PXDN: variants seen among roughly 807,000 people sequenced by gnomAD.
PXDN encodes the protein peroxidasin homolog.
PXDN carries 77 observed loss-of-function variants against 140.3 expected under a neutral mutation model. The ratio of observed to expected loss-of-function variants is 0.55; its 90% CI spans 0.46 to 0.66. The LOEUF (loss-of-function observed/expected upper bound fraction) is 0.66, where lower values mean the gene tolerates loss of function less well. Ranked by LOEUF, PXDN falls within the 30% of genes least tolerant of loss-of-function variation. The pLI is 0.00. For synonymous variants in PXDN, 911 were observed against 857.4 expected (o/e 1.06, Z -1.09); for missense variants, 1,838 against 2,039.5 (o/e 0.90, Z 1.90).
chr2:1,680,636 G>A (rs894805768), intron 6 of PXDN, among the ~76,000 whole-genome samples: 1 of 152,184 alleles, frequency 6.6e-6, no homozygotes, highest in African/African-American at 2.4e-5. Context: ...TAGGGCTTGT[G>A]CACACCCAGG....
chr2:1,683,768 A>G, intron 5 of PXDN, 41 bp from the exon 6 acceptor site: 1 of 1,458,274 alleles, frequency 6.9e-7, no homozygotes, highest in Non-Finnish European at 9.4e-7. Context: ...TTTGAAAAAT[A>G]TTTCTTAAAA....
In PXDN at chr2:1,654,501, G is replaced by A. The variant is rs751041516; in HGVS notation, c.1845C>T (p.Asp615=). ...CAAACGGATCTCCATTTCGACTGAC[G>A]TCAGGAACTAGGAAAATACAAAGTC... ...VSMVLSVNVP[D]VSRNGDPFVA... Residue 615 remains aspartate, a synonymous_variant, in exon 15 of 23, where the codon GAC becomes GAT. Transcript: ENST00000252804. 9 of 1,610,912 alleles carry A rather than the reference G, an allele frequency of 5.6e-6. No individual in the cohort carries two copies. The highest frequency in any genetic ancestry group is 2.2e-5 in the South Asian group (2 of 90,896).
chr2:1,744,424 C>T lies in PXDN; in HGVS notation c.32G>A (p.Arg11His), dbSNP rs1283491534. MAKRSRGPGR[R>H]CLLALVLFCA... ...GAACAGCACGAGCGCCAACAGGCAG[C>T]GGCGCCCGGGGCCCCTGGAGCGCTT... is the stretch of plus-strand genomic sequence containing the variant. The change falls in exon 1 of 23, where the codon CGC becomes CAC. Residue 11 changes from arginine to histidine, a missense_variant. This residue lies in a region of PXDN where 231 missense variants were observed against 201.5 expected (regional missense o/e 1.15). Transcript: ENST00000252804. The T allele has an allele frequency of 2.0e-6, 3 of 1,506,512 alleles. No individual in the cohort carries two copies. Among genetic ancestry groups the T allele is most frequent in the East Asian group, 2.7e-5 (1 of 37,156 alleles). 93.3% of individuals were successfully genotyped at this position (1,506,512 alleles called of 1,614,324 possible). A position where few individuals can be genotyped will look rare whatever the true frequency, so the allele number is the denominator to read the frequency against.
At chr2:1,700,384 T>C (rs1055439399) in intron 1 of PXDN, among the ~76,000 whole-genome samples, 2 of 152,198 alleles carry the variant, frequency 1.3e-5, no homozygotes, top group African/African-American at 4.8e-5. Flanking sequence ...TTTTTTTTCT[T>C]TGAGTATTTT....
intron 1 of PXDN, among the ~76,000 whole-genome samples, chr2:1,693,979 G>A (rs1361128726): frequency 6.6e-6 from 1 of 152,246 alleles, no homozygotes; most frequent in Non-Finnish European, 1.5e-5. Context: ...GACATGCAGA[G>A]GCGTCGGCTC....
chr2:1,709,030 C>T (rs376233065), intron 1 of PXDN, among the ~76,000 whole-genome samples: 8 of 152,270 alleles, frequency 5.3e-5, no homozygotes, highest in South Asian at 2.1e-4. Flanking sequence ...CAGTTCACCG[C>T]GGGAGGGAGC....
At chr2:1,715,128 C>T (rs1684865552) in intron 1 of PXDN, among the ~76,000 whole-genome samples, 1 of 152,156 alleles carries the variant, frequency 6.6e-6, no homozygotes, top group South Asian at 2.1e-4. Context: ...ATTTTTCCTG[C>T]CTTCCAGTCA....
intron 1 of PXDN, among the ~76,000 whole-genome samples, chr2:1,709,144 G>A (rs55831601): frequency 0.073 from 11,137 of 152,238 alleles, 577 homozygotes; most frequent in East Asian, 0.27. Context: ...CCCTGTGCTC[G>A]CCGCTCACTC....
rs766391316 is a variant in PXDN, at chr2:1,663,771, G to A, written c.1409-8C>T. The A allele has an allele frequency of 5.6e-6, 9 of 1,611,046 alleles. No individual in the cohort carries two copies. In the African/African-American group the frequency reaches 6.7e-5, roughly 12 times the overall value. ...CCACGGAGAGCTGGCTCCCTGCAAG[G>A]GCATGGGCCCGTTACACTGGACACT... is the stretch of plus-strand genomic sequence containing the variant. On this transcript the variant is annotated splice_polypyrimidine_tract_variant and splice_region_variant and intron_variant, in intron 11 of 22. Transcript: ENST00000252804.
intron 19 of PXDN, among the ~76,000 whole-genome samples, chr2:1,640,092 G>A (rs993062111): frequency 1.4e-5 from 2 of 139,064 alleles, no homozygotes; most frequent in African/African-American, 2.7e-5. Context: ...CCCCGGGTGA[G>A]TGAGGGGCCC....
At position 1,634,091 on chromosome 2, in the gene PXDN, T is replaced by G; in HGVS notation, c.*113A>C. On this transcript the variant is annotated 3_prime_UTR_variant, in exon 23 of 23. Coordinates refer to ENST00000252804, the MANE Select transcript of PXDN (RefSeq NM_012293.3). ...TAACAGCACCAGCTGGACGTTGTCA[T>G]GAAATGTCACGAGTTCTGGGTGTTT... 1.3e-5 allele frequency: 19 copies of G among 1,443,312 alleles called. No homozygotes were observed. The highest frequency in any genetic ancestry group is 1.6e-5 in the Non-Finnish European group (17 of 1,073,142). The allele number at this position is 1,443,312 out of a possible 1,614,324, so 89.4% of individuals were successfully genotyped here. A position where few individuals can be genotyped will look rare whatever the true frequency, so the allele number is the denominator to read the frequency against.
At chr2:1,693,265 T>C in intron 1 of PXDN, 131 bp from the exon 2 acceptor site, 1 of 673,338 alleles carries the variant, frequency 1.5e-6, no homozygotes, top group Non-Finnish European at 2.5e-6. Context: ...ACTCCTTCAA[T>C]GAATCTTCTT....
At chr2:1,657,994 C>G (rs1683189958) in intron 14 of PXDN, among the ~76,000 whole-genome samples, 1 of 144,300 alleles carries the variant, frequency 6.9e-6, no homozygotes, top group Non-Finnish European at 1.5e-5. Flanking sequence ...TTCTCCTTGT[C>G]TCTTCCTCCT....
intron 1 of PXDN, among the ~76,000 whole-genome samples, chr2:1,727,488 G>A (rs1441595994): frequency 3.3e-5 from 5 of 152,220 alleles, no homozygotes; most frequent in South Asian, 2.1e-4. Flanking sequence ...GCTTCAAGGG[G>A]TGCGGTCACG....
chr2:1,729,828 A>C (rs1278862620), intron 1 of PXDN, among the ~76,000 whole-genome samples: 1 of 152,238 alleles, frequency 6.6e-6, no homozygotes, highest in African/African-American at 2.4e-5. Flanking sequence ...GAAAAGTAGA[A>C]ACAAAGAAAT....
At position 1,663,518 on chromosome 2, in the gene PXDN, G is replaced by C. The variant is rs542097243; in HGVS notation, c.1567+87C>G. The C allele has an allele frequency of 9.8e-6, 15 of 1,530,914 alleles. No homozygotes were observed. The South Asian group carries it at 1.7e-4, about 17-fold the overall frequency. The allele number at this position is 1,530,914 out of a possible 1,614,324, so 94.8% of individuals were successfully genotyped here. On this transcript the variant is annotated intron_variant, in intron 12 of 22. Transcript: ENST00000252804. ...AACAGCCAACGCTTTATAACGAAGAGTAACACTAATGTCAGCTGCGGAATT... is the reference window on the plus strand; with the variant it reads ...AACAGCCAACGCTTTATAACGAAGACTAACACTAATGTCAGCTGCGGAATT...
chr2:1,647,606 C>T (rs529190792), intron 17 of PXDN, among the ~76,000 whole-genome samples: 13 of 152,320 alleles, frequency 8.5e-5, no homozygotes, highest in South Asian at 4.1e-4. Flanking sequence ...GGCTCAGAAG[C>T]GGCGCCATCT....
At chr2:1,677,761 C>A (rs1422426363) in intron 7 of PXDN, among the ~76,000 whole-genome samples, 1 of 152,226 alleles carries the variant, frequency 6.6e-6, no homozygotes, top group Non-Finnish European at 1.5e-5. Context: ...CATGAGGGAA[C>A]CACACCAAGG....
intron 1 of PXDN, among the ~76,000 whole-genome samples, chr2:1,693,475 CAAG>C (rs945114812): frequency 1.3e-5 from 2 of 152,212 alleles, no homozygotes; most frequent in African/African-American, 4.8e-5. Flanking sequence ...TGATGACATT[CAAG>C]AAGAGAGTCA....
Sources: gnomAD v4.1 joint callset for allele counts (sites outside exome capture counted in the v4.1 genomes callset) on GRCh38, gnomAD v4.1.1 for gene constraint, gnomAD v4.1.1 regional missense constraint, MANE v1.5 for transcripts, NCBI Gene and HGNC (gene_info 2026-07-23, HGNC 2026-07-21) for gene names.